Variants in ZNF804B observed in about 807,000 individuals in gnomAD.
ZNF804B encodes the protein zinc finger 804B.
In ZNF804B, 80 loss-of-function variants were observed where a neutral mutation model predicts 101.4. That is an observed-to-expected ratio of 0.79 (90% CI 0.66 to 0.95). The LOEUF (loss-of-function observed/expected upper bound fraction) is 0.95, where lower values mean the gene tolerates loss of function less well. Among genes scored for constraint, ZNF804B ranks in the 40% least tolerant of loss-of-function variants. ZNF804B has a pLI of 0.00. For synonymous variants in ZNF804B, 622 were observed against 558.8 expected (o/e 1.11, Z -1.59); for missense variants, 1,673 against 1,561.9 (o/e 1.07, Z -1.20).
At chr7:89,227,095 G>A (rs1025740550) in intron 2 of ZNF804B, among the ~76,000 whole-genome samples, 1 of 152,006 alleles carries the variant, frequency 6.6e-6, no homozygotes, top group African/African-American at 2.4e-5. Flanking sequence ...TTCTATCCTG[G>A]ATTACACTTC....
intron 1 of ZNF804B, among the ~76,000 whole-genome samples, chr7:89,023,168 T>G (rs998577106): frequency 1.3e-5 from 2 of 152,192 alleles, no homozygotes; most frequent in Non-Finnish European, 1.5e-5. Flanking sequence ...AGATGGGTGG[T>G]GGCCACTCTA....
chr7:89,185,464 C>T (rs1383499367), intron 1 of ZNF804B, among the ~76,000 whole-genome samples: 2 of 151,160 alleles, frequency 1.3e-5, no homozygotes, highest in African/African-American at 4.9e-5. Context: ...TTCTGTGTAC[C>T]TTAGACTTAC....
At chr7:88,817,205 G>A (rs931985396) in intron 1 of ZNF804B, among the ~76,000 whole-genome samples, 11 of 152,136 alleles carry the variant, frequency 7.2e-5, no homozygotes, top group African/African-American at 2.4e-4. Flanking sequence ...CACAAGAAGG[G>A]GAACATCACA....
At chr7:88,961,620 T>G (rs958820703) in intron 1 of ZNF804B, among the ~76,000 whole-genome samples, 5 of 151,492 alleles carry the variant, frequency 3.3e-5, no homozygotes, top group African/African-American at 9.6e-5. Flanking sequence ...CAAGAAGAGC[T>G]CATGAGATTG....
At chr7:89,183,715 C>G (rs1021395176) in intron 1 of ZNF804B, among the ~76,000 whole-genome samples, 3 of 152,058 alleles carry the variant, frequency 2.0e-5, no homozygotes, top group Non-Finnish European at 4.4e-5. Context: ...ACAAGATTAG[C>G]CAGAATCACA....
intron 1 of ZNF804B, among the ~76,000 whole-genome samples, chr7:88,779,592 T>A (rs1210295490): frequency 3.3e-5 from 5 of 151,214 alleles, no homozygotes; most frequent in Non-Finnish European, 1.5e-5. Flanking sequence ...TAACACAACC[T>A]TAAGCTGGAG....
At chr7:89,001,615 T>C (rs145881213) in intron 1 of ZNF804B, among the ~76,000 whole-genome samples, 1 of 152,030 alleles carries the variant, frequency 6.6e-6, no homozygotes, top group East Asian at 1.9e-4. Context: ...AGAGGTCTTC[T>C]GAAACCAAAT....
intron 1 of ZNF804B, among the ~76,000 whole-genome samples, chr7:89,101,939 C>T (rs1175424028): frequency 4.6e-5 from 7 of 151,958 alleles, no homozygotes; most frequent in African/African-American, 1.4e-4. Flanking sequence ...TTAGCTCCCA[C>T]TTATAAGTGA....
chr7:89,093,347 C>CT, intron 1 of ZNF804B, among the ~76,000 whole-genome samples: 1 of 152,144 alleles, frequency 6.6e-6, no homozygotes, highest in East Asian at 1.9e-4. Flanking sequence ...TAACTTTTCC[C>CT]TTTTCCTCTA....
chr7:88,925,811 A>G (rs751642512), intron 1 of ZNF804B, among the ~76,000 whole-genome samples: 6 of 152,160 alleles, frequency 3.9e-5, no homozygotes, highest in Non-Finnish European at 7.3e-5. Context: ...AAAGATTCTG[A>G]TCTAGCAGGC....
At chr7:88,909,391 G>A (rs1480997654) in intron 1 of ZNF804B, among the ~76,000 whole-genome samples, 1 of 151,774 alleles carries the variant, frequency 6.6e-6, no homozygotes, top group Non-Finnish European at 1.5e-5. Context: ...AAAGAGCTGT[G>A]TTGCTAGAGT....
intron 2 of ZNF804B, among the ~76,000 whole-genome samples, chr7:89,247,247 A>G (rs1292628715): frequency 6.6e-6 from 1 of 152,210 alleles, no homozygotes; most frequent in Non-Finnish European, 1.5e-5. Context: ...TGCCTGGTCT[A>G]GCCTTGTTTA....
intron 2 of ZNF804B, among the ~76,000 whole-genome samples, chr7:89,299,075 T>TA (rs1016990316): frequency 6.6e-6 from 1 of 152,038 alleles, no homozygotes; most frequent in Non-Finnish European, 1.5e-5. Flanking sequence ...TCATAATAGA[T>TA]ATTCCATCCT....
chr7:88,889,798 AT>A (rs1376637933), intron 1 of ZNF804B, among the ~76,000 whole-genome samples: 2 of 152,226 alleles, frequency 1.3e-5, no homozygotes, highest in Admixed American at 1.3e-4. Flanking sequence ...TCACTTGTCG[AT>A]TTTTATTTTT....
intron 1 of ZNF804B, among the ~76,000 whole-genome samples, chr7:88,806,525 C>T (rs1404339778): frequency 2.0e-5 from 3 of 151,878 alleles, no homozygotes; most frequent in Non-Finnish European, 4.4e-5. Context: ...CTGGCCTAGT[C>T]ATTGTTATAT....
intron 1 of ZNF804B, among the ~76,000 whole-genome samples, chr7:89,018,846 C>T (rs1788613794): frequency 6.6e-6 from 1 of 151,942 alleles, no homozygotes; most frequent in Non-Finnish European, 1.5e-5. Context: ...GTAATGTCTC[C>T]TGTTTTATTC....
chr7:88,906,660 G>A (rs984714309), intron 1 of ZNF804B, among the ~76,000 whole-genome samples: 49 of 152,156 alleles, frequency 3.2e-4, no homozygotes, highest in African/African-American at 1.1e-3. Context: ...CAAGCATGTG[G>A]TCAATCTTAG....
intron 2 of ZNF804B, among the ~76,000 whole-genome samples, chr7:89,220,536 T>C (rs58057795): frequency 0.077 from 11,708 of 151,940 alleles, 548 homozygotes; most frequent in Middle Eastern, 0.2. Flanking sequence ...ATTTATACCA[T>C]CATCGCTCAC....
At chr7:88,840,819 G>C (rs964992362) in intron 1 of ZNF804B, among the ~76,000 whole-genome samples, 1 of 152,124 alleles carries the variant, frequency 6.6e-6, no homozygotes, top group Non-Finnish European at 1.5e-5. Flanking sequence ...TGAGAAAACA[G>C]CTCAAAGTAC....
Sources: allele counts gnomAD v4.1 joint callset (sites outside exome capture counted in the v4.1 genomes callset), GRCh38; gene constraint gnomAD v4.1.1; transcripts MANE v1.5; gene names NCBI Gene and HGNC (gene_info 2026-07-23, HGNC 2026-07-21).